LRRC4C: variants seen among roughly 807,000 people sequenced by gnomAD.
LRRC4C encodes leucine rich repeat containing 4C, also known as leucine-rich repeat-containing protein 4C.
In LRRC4C, 5 loss-of-function variants were observed where a neutral mutation model predicts 33.6. The observed-to-expected ratio is 0.15, with a 90% CI of 0.08 to 0.31. The LOEUF is 0.31. LRRC4C is among the 10% of genes least tolerant of loss of function. The pLI is 1.00. For missense variants in LRRC4C, 560 were observed against 796.7 expected (o/e 0.70, Z 3.58); for synonymous variants, 329 against 302.0 (o/e 1.09, Z -0.93).
chr11:40,519,265 AAGAG>A (rs2135210036), intron 3 of LRRC4C, among the ~76,000 whole-genome samples: 1 of 152,284 alleles, frequency 6.6e-6, no homozygotes, highest in South Asian at 2.1e-4. Flanking sequence ...TTTTTTAAAA[AAGAG>A]AGAAGTCTTA....
In LRRC4C at chr11:40,831,309, A is replaced by C. The variant is rs1952401818; in HGVS notation, c.-407+102326T>G. On this transcript the variant is annotated intron_variant, in intron 2 of 6. Coordinates refer to ENST00000528697, the MANE Select transcript of LRRC4C (RefSeq NM_001258419.2). ...AGCCTTCTGGTAGGAGAAAGGATTT[A>C]TGTATGTGTATTATAAAATAATCCT... Among the ~76,000 whole-genome samples the C allele has an allele frequency of 2.6e-5, 4 of 152,122 alleles. No individual in the cohort carries two copies. The South Asian group carries it at 8.3e-4, about 31-fold the overall frequency.
Position 40,327,994 on chromosome 11 carries a change from G to A in LRRC4C, c.-269-8273C>T, listed in dbSNP as rs538386365. Among the ~76,000 whole-genome samples the A allele has an allele frequency of 5.5e-4, 84 of 151,752 alleles. 6 individuals are homozygous for A. The South Asian group carries it at 0.012, about 22-fold the overall frequency. On this transcript the variant is annotated intron_variant, in intron 3 of 6. Coordinates refer to ENST00000528697, the MANE Select transcript of LRRC4C (RefSeq NM_001258419.2). ...TTAATCATTATGTAAAAATAATATC[G>A]TGATCTTTATACATGTTAACAAATA...
intron 2 of LRRC4C, among the ~76,000 whole-genome samples, chr11:40,901,667 TA>T (rs1340197447): frequency 1.6e-4 from 25 of 151,908 alleles, no homozygotes; most frequent in African/African-American, 5.6e-4. Flanking sequence ...AATACAGGGA[TA>T]AAATGTGAAG....
At chr11:40,948,702 A>G (rs1437749681) in intron 1 of LRRC4C, among the ~76,000 whole-genome samples, 12 of 148,146 alleles carry the variant, frequency 8.1e-5, no homozygotes, top group African/African-American at 2.7e-4. Flanking sequence ...TGAACTCATC[A>G]TTTTTTATGG....
chr11:40,572,054 C>T (rs1591142980), intron 3 of LRRC4C, among the ~76,000 whole-genome samples: 1 of 152,148 alleles, frequency 6.6e-6, no homozygotes, highest in East Asian at 1.9e-4. Flanking sequence ...TCCATATTTT[C>T]CTCTTTAACA....
intron 1 of LRRC4C, among the ~76,000 whole-genome samples, chr11:41,023,461 T>C (rs1471317782): frequency 6.6e-6 from 1 of 151,600 alleles, no homozygotes; most frequent in African/African-American, 2.4e-5. Flanking sequence ...ATTATAAAAG[T>C]TGAAAAATGA....
At chr11:40,769,741 C>T (rs539003604) in intron 2 of LRRC4C, among the ~76,000 whole-genome samples, 7 of 152,254 alleles carry the variant, frequency 4.6e-5, no homozygotes, top group African/African-American at 1.4e-4. Flanking sequence ...AGAACAGTCT[C>T]TTCAGTAAAT....
chr11:40,996,742 G>C (rs900555015), intron 1 of LRRC4C, among the ~76,000 whole-genome samples: 1 of 152,122 alleles, frequency 6.6e-6, no homozygotes, highest in Non-Finnish European at 1.5e-5. Flanking sequence ...ATGGCAAAGG[G>C]GGAACAGGAG....
At chr11:40,719,640 G>T (rs1317872182) in intron 2 of LRRC4C, among the ~76,000 whole-genome samples, 1 of 152,128 alleles carries the variant, frequency 6.6e-6, no homozygotes, top group Non-Finnish European at 1.5e-5. Flanking sequence ...GCAAAATTAT[G>T]TTTGTCTATG....
At chr11:40,966,298 T>G (rs971237057) in intron 1 of LRRC4C, among the ~76,000 whole-genome samples, 1 of 151,974 alleles carries the variant, frequency 6.6e-6, no homozygotes, top group African/African-American at 2.4e-5. Context: ...TCATTTAAGA[T>G]GCAGACTGGC....
intron 2 of LRRC4C, among the ~76,000 whole-genome samples, chr11:40,851,363 C>T (rs1591887395): frequency 6.6e-6 from 1 of 152,076 alleles, no homozygotes; most frequent in South Asian, 2.1e-4. Context: ...AGCACAGTCC[C>T]TCATGGCTTC....
intron 2 of LRRC4C, among the ~76,000 whole-genome samples, chr11:40,845,471 G>T (rs1004398135): frequency 7.2e-5 from 11 of 152,084 alleles, no homozygotes; most frequent in African/African-American, 2.7e-4. Flanking sequence ...GAGGACAATG[G>T]TTTCCAGCTT....
chr11:41,183,085 C>A (rs1423816766), intron 1 of LRRC4C, among the ~76,000 whole-genome samples: 1 of 152,076 alleles, frequency 6.6e-6, no homozygotes, highest in Non-Finnish European at 1.5e-5. Flanking sequence ...TTACCTCCCA[C>A]TGGGTCCCTC....
At chr11:41,128,634 T>C (rs1942862857) in intron 1 of LRRC4C, among the ~76,000 whole-genome samples, 1 of 152,106 alleles carries the variant, frequency 6.6e-6, no homozygotes, top group South Asian at 2.1e-4. Context: ...AATTAGTTCA[T>C]GTGACCTCCT....
At chr11:40,602,193 CA>C (rs375091552) in intron 3 of LRRC4C, among the ~76,000 whole-genome samples, 133 of 93,816 alleles carry the variant, frequency 1.4e-3, no homozygotes, top group Middle Eastern at 6.3e-3. Flanking sequence ...GAATCTGTCT[CA>C]AAAAAAAAAA....
chr11:41,446,053 A>G (rs923660604), intron 1 of LRRC4C, among the ~76,000 whole-genome samples: 2 of 152,222 alleles, frequency 1.3e-5, no homozygotes, highest in African/African-American at 4.8e-5. Flanking sequence ...TGACTCAATA[A>G]TAACGTTAAA....
intron 1 of LRRC4C, among the ~76,000 whole-genome samples, chr11:41,410,861 G>A (rs1384414314): frequency 1.3e-5 from 2 of 151,960 alleles, no homozygotes; most frequent in Non-Finnish European, 1.5e-5. Context: ...TCCTTTATTA[G>A]ACAATAATCA....
At chr11:40,923,560 A>G (rs746418225) in intron 2 of LRRC4C, among the ~76,000 whole-genome samples, 63 of 152,186 alleles carry the variant, frequency 4.1e-4, no homozygotes, top group Admixed American at 8.5e-4. Flanking sequence ...AACCTCCCTC[A>G]GCCTGGAGTC....
chr11:41,369,013 A>C (rs975549828), intron 1 of LRRC4C, among the ~76,000 whole-genome samples: 2 of 152,190 alleles, frequency 1.3e-5, no homozygotes, highest in Admixed American at 1.3e-4. Context: ...TTTTTCTCCA[A>C]ATAAATCACT....
Sources: allele counts gnomAD v4.1 joint callset (sites outside exome capture counted in the v4.1 genomes callset), GRCh38; gene constraint gnomAD v4.1.1; transcripts MANE v1.5; gene names NCBI Gene and HGNC (gene_info 2026-07-23, HGNC 2026-07-21).